Variants in MLXIPL observed in about 807,000 individuals in gnomAD.
The protein encoded by MLXIPL is MLX interacting protein like, also known as carbohydrate-responsive element-binding protein.
MLXIPL carries 49 observed loss-of-function variants against 81.5 expected under a neutral mutation model. That is an observed-to-expected ratio of 0.60 (90% CI 0.48 to 0.76). MLXIPL has a LOEUF of 0.76. Ranked by LOEUF, MLXIPL falls within the 30% of genes least tolerant of loss-of-function variation. The pLI is 0.00. For missense variants in MLXIPL, 1,053 were observed against 1,167.0 expected (o/e 0.90, Z 1.42); for synonymous variants, 466 against 485.5 (o/e 0.96, Z 0.53).
rs1796598346 is a variant in MLXIPL at position 73,624,479 on chromosome 7, A to T, written c.14T>A (p.Leu5Gln). 9 of 1,530,018 alleles carry T rather than the reference A, an allele frequency of 5.9e-6. No homozygotes were observed. The highest frequency in any genetic ancestry group is 7.0e-6 in the Non-Finnish European group (8 of 1,145,280). 94.8% of individuals were successfully genotyped at this position (1,530,018 alleles called of 1,614,324 possible). ...CTGCAAGCCCGCGGCCAGACCTGCC[A>T]GCGCGCCGGCCATGGCTGTCGCCGC... MAGA[L>Q]AGLAAGLQVP... The change falls in exon 1 of 17, where the codon CTG becomes CAG. Residue 5 changes from leucine (L) to glutamine (Q), a missense_variant. This residue lies in a region of MLXIPL where 226 missense variants were observed against 216.2 expected (regional missense o/e 1.05). Transcript: ENST00000313375.
chr7:73,640,503 G>A, the MLXIPL span, among the ~76,000 whole-genome samples: 20 of 149,812 alleles, frequency 1.3e-4, no homozygotes, highest in Non-Finnish European at 1.8e-4. Context: ...GCGGCCGGGC[G>A]TGGTGGCTCA....
chr7:73,607,853 CTT>C (rs1166806013), intron 2 of MLXIPL, among the ~76,000 whole-genome samples, 181 bp from the exon 3 acceptor site: 42 of 110,330 alleles, frequency 3.8e-4, no homozygotes, highest in Middle Eastern at 5.7e-3. Context: ...CTAGATCTTC[CTT>C]TTTTTTTTTT....
chr7:73,634,345 G>A, the MLXIPL span, among the ~76,000 whole-genome samples: 15 of 152,158 alleles, frequency 9.9e-5, no homozygotes, highest in East Asian at 9.6e-4. Flanking sequence ...CAGCCTGGGC[G>A]ACGGAGTGAG....
the MLXIPL span, among the ~76,000 whole-genome samples, chr7:73,637,600 G>T: frequency 6.6e-6 from 1 of 152,110 alleles, no homozygotes; most frequent in African/African-American, 2.4e-5. Flanking sequence ...CTCATTATGA[G>T]CCAGACAGAG....
At chr7:73,602,498 C>T (rs1169675311) in intron 7 of MLXIPL, among the ~76,000 whole-genome samples, 2 of 149,154 alleles carry the variant, frequency 1.3e-5, no homozygotes, top group Admixed American at 1.3e-4. Context: ...AGGGGAAACC[C>T]CGTTTCTACT....
At chr7:73,621,683 C>T (rs1796362511) in intron 1 of MLXIPL, among the ~76,000 whole-genome samples, 1 of 145,888 alleles carries the variant, frequency 6.9e-6, no homozygotes, top group African/African-American at 2.5e-5. Context: ...CCCTCCATCT[C>T]CCTCCCTCCC....
At position 73,596,659 on chromosome 7, in the gene MLXIPL, A is replaced by T. The variant is rs1794334533; in HGVS notation, c.1802T>A (p.Leu601His). The T allele has an allele frequency of 6.3e-7, 1 of 1,592,600 alleles. No individual in the cohort carries two copies. The highest frequency in any genetic ancestry group is 1.3e-5 in the African/African-American group (1 of 74,498). ...TTTACCGCTGGGCGCTGGGGGTGAGAGCCGCTCCGCTTTGGGGACAAGCAG... is the reference window on the plus strand; with the variant it reads ...TTTACCGCTGGGCGCTGGGGGTGAGTGCCGCTCCGCTTTGGGGACAAGCAG... Reference protein sequence around the residue: ...RPLLVPKAERLSPPAPSGSER... With the variant: ...RPLLVPKAERHSPPAPSGSER... The change falls in exon 11 of 17, where the codon CTC (leucine) becomes CAC (histidine). Residue 601 changes from leucine (L) to histidine (H), a missense_variant. By Grantham distance (99) the Leu-to-His change is moderately conservative (BLOSUM62 -3). This residue lies in a region of MLXIPL where 823 missense variants were observed against 933.0 expected (regional missense o/e 0.88). Transcript: ENST00000313375. This position sits in a 1 kb window ranked among gnomAD's most constrained non-coding sequence, Gnocchi z 4.7.
intron 7 of MLXIPL, among the ~76,000 whole-genome samples, chr7:73,602,130 G>GCCTGCCTTCCTTCCTTTCTTCCTT (rs1461829446): frequency 9.9e-5 from 8 of 80,510 alleles, no homozygotes; most frequent in African/African-American, 4.4e-4. Context: ...CTGCCTGCCT[G>GCCTGCCTTCCTTCCTTTCTTCCTT]CCTTCCTTCC....
At position 73,596,417 on chromosome 7, in the gene MLXIPL, G is replaced by A. The variant is rs782303285; in HGVS notation, c.1885C>T (p.Arg629Cys). 26 of 1,612,700 alleles carry A rather than the reference G, an allele frequency of 1.6e-5. No homozygotes were observed. Among genetic ancestry groups the A allele is most frequent in the Admixed American group, 8.3e-5 (5 of 59,954 alleles). ...SMPGPGTLSVRVSPPQPILSR... is the reference protein window; with the variant it reads ...SMPGPGTLSVCVSPPQPILSR... ...AGGATGGGTTGCGGGGGAGAGACAC[G>A]GACGCTCAGAGTCCCAGGGCCTGGC... Residue 629 changes from arginine (R) to cysteine (C), a missense_variant, in exon 12 of 17, where the codon CGT (arginine) becomes TGT (cysteine). Transcript: ENST00000313375. The surrounding 1 kb of genome is among the most constrained non-coding windows in gnomAD (Gnocchi z 4.7).
intron 8 of MLXIPL, among the ~76,000 whole-genome samples, chr7:73,598,908 C>T (rs977821847): frequency 2.0e-5 from 3 of 151,832 alleles, no homozygotes; most frequent in African/African-American, 7.3e-5. Flanking sequence ...CTACTGAGGT[C>T]AGGAGTTTGA....
chr7:73,605,550 T>C, intron 7 of MLXIPL, 138 bp downstream of exon 7: 1 of 745,864 alleles, frequency 1.3e-6, no homozygotes. Flanking sequence ...CATCTCAAAA[T>C]AAATAAATAA....
chr7:73,612,704 CT>C (rs1428017908), intron 2 of MLXIPL, among the ~76,000 whole-genome samples: 1 of 151,880 alleles, frequency 6.6e-6, no homozygotes, highest in Non-Finnish European at 1.5e-5. Flanking sequence ...TGAAGCCCCC[CT>C]CCCCAGCCCA....
In MLXIPL at chr7:73,616,144, G is replaced by A; in HGVS notation, c.327C>T (p.Phe109=). The stretch of plus-strand genomic sequence containing the variant: ...CTCTGCAGAGCAGCTTGAGGCCTTT[G>A]AAATTCTTCCACTTGGGAGACACCA... ...GKLVSPKWKN[F]KGLKLLCRDK... is the part of the protein sequence containing the mutation. The change falls in exon 2 of 17, where the codon TTC becomes TTT. Residue 109 remains phenylalanine (F), a synonymous_variant. Transcript: ENST00000313375. The A allele has an allele frequency of 5.6e-6, 9 of 1,614,134 alleles. No homozygotes were observed. Among genetic ancestry groups the A allele is most frequent in the Non-Finnish European group, 7.6e-6 (9 of 1,180,020 alleles).
intron 5 of MLXIPL, 134 bp downstream of exon 5, chr7:73,606,840 G>T (rs1795319304): frequency 3.1e-6 from 3 of 971,100 alleles, no homozygotes; most frequent in Non-Finnish European, 4.8e-6. Flanking sequence ...CCACAGGATG[G>T]CAGTAACATC....
intron 3 of MLXIPL, 38 bp downstream of exon 3, chr7:73,607,552 A>G (rs782304852): frequency 6.3e-7 from 1 of 1,599,736 alleles, no homozygotes; most frequent in South Asian, 1.1e-5. Context: ...GTGGGTGGGC[A>G]GGTGGGCAGG....
Position 73,624,200 on chromosome 7 carries a change from C to G in MLXIPL, c.293G>C (p.Ser98Thr). The change falls in exon 1 of 17, where the codon AGT becomes ACT. Residue 98 changes from serine (S) to threonine (T), a missense_variant and splice_region_variant. Ser to Thr is a moderately conservative substitution (Grantham distance 58, BLOSUM62 1). This residue lies in a region of MLXIPL where 226 missense variants were observed against 216.2 expected (regional missense o/e 1.05). Transcript: ENST00000313375. ...CGTCAGGGCCCGGAACCGCCCTCAC[C>G]TGTAGGCCAGGCTCAAGCACTCGAA... ...RLFECLSLAY[S>T]GKLVSPKWKN... The G allele has an allele frequency of 6.3e-7, 1 of 1,587,892 alleles. No homozygotes were observed. Among genetic ancestry groups the G allele is most frequent in the Non-Finnish European group, 8.6e-7 (1 of 1,168,856 alleles).
rs782606437 is a variant in MLXIPL, at chr7:73,606,053, A to T, written c.677T>A (p.Val226Asp). 6.3e-7 allele frequency: 1 copy of T among 1,591,546 alleles called. No homozygotes were observed. ...QWCKQLFSSV[V>D]PVLLGDPEEE... The stretch of plus-strand genomic sequence containing the variant: ...CTCTGGGTCCCCCAGCAGCACGGGG[A>T]CCACACTGGAGAAGAGCTGTTTGCA... Residue 226 changes from valine to aspartate, a missense_variant, in exon 6 of 17, where the codon GTC becomes GAC. Around this residue, in one of 3 missense-constraint regions of MLXIPL, gnomAD observed 823 missense variants for 933.0 expected, o/e 0.88. Transcript: ENST00000313375.
intron 7 of MLXIPL, among the ~76,000 whole-genome samples, chr7:73,603,588 A>G (rs143585034): frequency 4.6e-5 from 7 of 151,986 alleles, no homozygotes; most frequent in African/African-American, 1.7e-4. Context: ...CAGGCCCAGG[A>G]CCCCGTGGGG....
chr7:73,598,516 C>A (rs1290429167), intron 8 of MLXIPL, among the ~76,000 whole-genome samples: 2 of 152,138 alleles, frequency 1.3e-5, no homozygotes, highest in African/African-American at 4.8e-5. Context: ...TATCCACCAA[C>A]CCACGTGTGC....
Sources: allele counts gnomAD v4.1 joint callset (sites outside exome capture counted in the v4.1 genomes callset), GRCh38; gene constraint gnomAD v4.1.1; regional missense constraint gnomAD v4.1.1; non-coding constraint Gnocchi (gnomAD v3.1); transcripts MANE v1.5; gene names NCBI Gene and HGNC (gene_info 2026-07-23, HGNC 2026-07-21).